The following RARB variants were observed in gnomAD, a reference collection of about 807,000 sequenced individuals.
RARB encodes HBV-activated protein.
A neutral mutation model predicts 51.9 loss-of-function variants in RARB; 17 were observed. That is an observed-to-expected ratio of 0.33 (90% CI 0.22 to 0.49). The LOEUF is 0.49. Among genes scored for constraint, RARB ranks in the 20% least tolerant of loss-of-function variants. The pLI is 0.99. For missense variants in RARB, 369 were observed against 550.8 expected, an observed-to-expected ratio of 0.67 and a Z score of 3.30; for synonymous variants, 215 against 195.4, an observed-to-expected ratio of 1.10 and a Z score of -0.84.
At chr3:24,902,980 T>A (rs1159716070) in intron 2 of RARB, among the ~76,000 whole-genome samples, 1 of 152,164 alleles carries the variant, frequency 6.6e-6, no homozygotes, top group Non-Finnish European at 1.5e-5. Context: ...CAAAATATAT[T>A]GAGAGAAACA....
chr3:25,421,655 C>T (rs150167226), intron 5 of RARB, among the ~76,000 whole-genome samples: 9,416 of 152,090 alleles, frequency 0.062, 394 homozygotes, highest in Admixed American at 0.1. Context: ...CCTCCTGCCT[C>T]GGCCTCCCAG....
At position 25,181,861 on chromosome 3, in the gene RARB, G is replaced by A. The variant is rs115630102; in HGVS notation, c.178+7286G>A. ...TGTCACCGATGGCAGTGCTGTTCTC[G>A]GTATTCAAGTCACCAATTCCACAAA... On this transcript the variant is annotated intron_variant, in intron 5 of 11. Coordinates refer to the RARB transcript ENST00000383772. Among the ~76,000 whole-genome samples, 249 of 151,992 alleles carry A rather than the reference G, an allele frequency of 1.6e-3. 2 individuals are homozygous for A. The highest frequency in any genetic ancestry group is 0.014 in the South Asian group (67 of 4,792).
intron 3 of RARB, among the ~76,000 whole-genome samples, chr3:25,523,762 CCTCA>C (rs1227805986): frequency 6.6e-6 from 1 of 152,076 alleles, no homozygotes; most frequent in Non-Finnish European, 1.5e-5. Flanking sequence ...AAGAATCAGC[CCTCA>C]CTCACACTTT....
intron 5 of RARB, among the ~76,000 whole-genome samples, chr3:25,391,776 G>T (rs1400999063): frequency 6.6e-6 from 1 of 152,114 alleles, no homozygotes; most frequent in Non-Finnish European, 1.5e-5. Context: ...GTTCTTTGTA[G>T]ATTCTGGACA....
At chr3:25,112,184 C>A (rs1699613649) in intron 3 of RARB, among the ~76,000 whole-genome samples, 1 of 152,004 alleles carries the variant, frequency 6.6e-6, no homozygotes, top group Non-Finnish European at 1.5e-5. Context: ...TAAATGAGAC[C>A]AGATTCAAAT....
At chr3:25,264,234 AAGG>A (rs1425973599) in intron 5 of RARB, among the ~76,000 whole-genome samples, 6 of 152,182 alleles carry the variant, frequency 3.9e-5, no homozygotes, top group African/African-American at 1.4e-4. Flanking sequence ...TTTGTAATCT[AAGG>A]AGGAGAGGAA....
chr3:25,163,884 G>A (rs1455891102), intron 4 of RARB, among the ~76,000 whole-genome samples: 1 of 152,186 alleles, frequency 6.6e-6, no homozygotes, highest in African/African-American at 2.4e-5. Flanking sequence ...GCATGGAATA[G>A]GAGAAGACCT....
chr3:25,170,335 C>T (rs150114451), intron 4 of RARB, among the ~76,000 whole-genome samples: 21 of 152,238 alleles, frequency 1.4e-4, no homozygotes, highest in East Asian at 1.9e-4. Flanking sequence ...GCCAACCTCA[C>T]GTCTAGAGCT....
At chr3:25,580,440 C>T in intron 4 of RARB, 106 bp from the exon 5 acceptor site, 1 of 1,129,248 alleles carries the variant, frequency 8.9e-7, no homozygotes, top group East Asian at 2.5e-5. Context: ...AACCTGCCTG[C>T]TCAAGGCTGA....
At chr3:25,103,726 A>G (rs943555687) in intron 3 of RARB, among the ~76,000 whole-genome samples, 3 of 152,222 alleles carry the variant, frequency 2.0e-5, no homozygotes, top group Admixed American at 6.5e-5. Context: ...GAATGTTGCT[A>G]CTATAAAGTG....
At chr3:25,576,374 G>A (rs1281473875) in intron 4 of RARB, among the ~76,000 whole-genome samples, 1 of 152,170 alleles carries the variant, frequency 6.6e-6, no homozygotes, top group Non-Finnish European at 1.5e-5. Context: ...AGCTCCAGAA[G>A]GCATTCGTGG....
At chr3:25,530,486 T>G (rs1698856690) in intron 3 of RARB, among the ~76,000 whole-genome samples, 1 of 152,216 alleles carries the variant, frequency 6.6e-6, no homozygotes, top group South Asian at 2.1e-4. Context: ...TTTTGGAGGC[T>G]CTAGGGGAGA....
chr3:25,365,134 T>G (rs1706072653), intron 5 of RARB, among the ~76,000 whole-genome samples: 1 of 151,892 alleles, frequency 6.6e-6, no homozygotes, highest in African/African-American at 2.4e-5. Flanking sequence ...GGCTTCTAGC[T>G]TCCTATCCAG....
intron 5 of RARB, among the ~76,000 whole-genome samples, chr3:25,392,421 G>GT (rs1706991627): frequency 6.6e-6 from 1 of 152,076 alleles, no homozygotes; most frequent in East Asian, 1.9e-4. Flanking sequence ...TTTTAGTTGT[G>GT]TGAAGAATGA....
intron 4 of RARB, among the ~76,000 whole-genome samples, chr3:25,574,151 A>G (rs1286741): frequency 0.091 from 13,842 of 152,244 alleles, 728 homozygotes; most frequent in Admixed American, 0.11. Flanking sequence ...CCTCGCTCTG[A>G]GGACGTGTTC....
In RARB at chr3:24,878,028, C is replaced by T. The variant is rs550508665; in HGVS notation, c.-380+19276C>T. On this transcript the variant is annotated intron_variant, in intron 2 of 11. Transcript: ENST00000383772. ...ACATAAAGGGATAATAAAAGTACTA[C>T]ACGTGCAAGGTTCCAAAATGAGAAC... 3.3e-5 allele frequency among the ~76,000 whole-genome samples: 5 copies of T among 152,220 alleles called. No homozygotes were observed. In the South Asian group the frequency reaches 1.0e-3, roughly 32 times the overall value.
In RARB at chr3:25,592,154, G is replaced by C. The variant is rs139662505; in HGVS notation, c.787-1349G>C. ...GGCTTTACTACTCCTCCTAGGTAGA[G>C]GTCCTGTGTCTTCCTCAGAGGCCAC... On this transcript the variant is annotated intron_variant, in intron 5 of 7. Transcript: ENST00000330688. 2.0e-5 allele frequency among the ~76,000 whole-genome samples: 3 copies of C among 152,316 alleles called. No individual in the cohort carries two copies. In the East Asian group the frequency reaches 5.8e-4, roughly 29 times the overall value.
intron 2 of RARB, among the ~76,000 whole-genome samples, chr3:24,987,015 A>C (rs913907489): frequency 2.6e-5 from 4 of 152,226 alleles, no homozygotes; most frequent in South Asian, 2.1e-4. Flanking sequence ...CATTCAAAAA[A>C]TACGGGTTTG....
At chr3:25,209,139 A>C (rs1294839786) in intron 5 of RARB, among the ~76,000 whole-genome samples, 4 of 152,144 alleles carry the variant, frequency 2.6e-5, no homozygotes, top group Non-Finnish European at 5.9e-5. Context: ...GTTTAGTCAA[A>C]ACTTGGCTTT....
Sources: gnomAD v4.1 joint callset for allele counts (sites outside exome capture counted in the v4.1 genomes callset) on GRCh38, gnomAD v4.1.1 for gene constraint, MANE v1.5 for transcripts, NCBI Gene and HGNC (gene_info 2026-07-23, HGNC 2026-07-21) for gene names.